Variants in ACAA2 observed in about 807,000 individuals in gnomAD.
ACAA2 encodes acetyl-CoA acyltransferase 2.
Under a neutral mutation model 44.8 loss-of-function variants are expected in ACAA2, and 35 were observed. The observed-to-expected ratio is 0.78, with a 90% CI of 0.60 to 1.04. ACAA2 has a LOEUF of 1.04. Ranked by LOEUF, ACAA2 falls within the 50% of genes least tolerant of loss-of-function variation. The pLI, the probability that ACAA2 is intolerant of heterozygous loss-of-function variation, is 0.00. For missense variants in ACAA2, 468 were observed against 482.6 expected (o/e 0.97, Z 0.28); for synonymous variants, 142 against 166.5 (o/e 0.85, Z 1.13).
intron 4 of ACAA2, 68 bp downstream of exon 4, chr18:49,795,697 G>T (rs1427700073): frequency 2.2e-6 from 2 of 892,516 alleles, no homozygotes; most frequent in Non-Finnish European, 3.3e-6. Context: ...CCATAAAAAG[G>T]TATGTTATTA....
At chr18:49,804,951 G>A (rs186449603) in intron 1 of ACAA2, among the ~76,000 whole-genome samples, 2 of 152,298 alleles carry the variant, frequency 1.3e-5, no homozygotes, top group Admixed American at 1.3e-4. Context: ...TTCATTAGGT[G>A]TCTACTAAAT....
intron 2 of ACAA2, 127 bp downstream of exon 2, chr18:49,802,560 C>CAAAAAAAA: frequency 3.4e-6 from 2 of 592,566 alleles, no homozygotes; most frequent in African/African-American, 2.5e-5. Flanking sequence ...GACTCCATCT[C>CAAAAAAAA]AAAAAAAAAA....
chr18:49,802,693 GACATTGCCCATAATC>G lies in ACAA2; in HGVS notation c.162_176del (p.Ile55_Val59del), dbSNP rs1414919612. Reference sequence around the variant, plus strand: ...CTTCCTTTACTCTACTAACCTGCAGGACATTGCCCATAATCACACTGTCAACTGTTTCAGGTGAGA... The same window carrying G: ...CTTCCTTTACTCTACTAACCTGCAGGACACTGTCAACTGTTTCAGGTGAGA... On this transcript the variant is annotated inframe_deletion, in exon 2 of 10. Coordinates refer to ENST00000285093, the MANE Select transcript of ACAA2 (RefSeq NM_006111.3). The G allele has an allele frequency of 6.2e-7, 1 of 1,613,622 alleles. No homozygotes were observed. Among genetic ancestry groups the G allele is most frequent in the Non-Finnish European group, 8.5e-7 (1 of 1,179,902 alleles).
At chr18:49,813,383 C>T (rs1296418770) in intron 1 of ACAA2, 86 bp downstream of exon 1, 1 of 1,094,502 alleles carries the variant, frequency 9.1e-7, no homozygotes, top group Non-Finnish European at 1.2e-6. Context: ...ACGACCCCGA[C>T]TCTCCGCGGC....
intron 7 of ACAA2, among the ~76,000 whole-genome samples, chr18:49,790,832 C>T (rs1426484559): frequency 1.3e-5 from 2 of 152,148 alleles, no homozygotes; most frequent in Non-Finnish European, 2.9e-5. Flanking sequence ...CTTTATTTTG[C>T]TAATACTCAC....
At position 49,802,863 on chromosome 18, in the gene ACAA2, C is replaced by T; in HGVS notation, c.17-10G>A. On this transcript the variant is annotated splice_polypyrimidine_tract_variant and intron_variant, in intron 1 of 9. Transcript: ENST00000285093. ...GCAACTACAAACACACCTATTGCAA[C>T]AAGAAGAGATTTGTAAGCCATCACA... 1 of 1,613,802 alleles carries T rather than the reference C, an allele frequency of 6.2e-7. No individual in the cohort carries two copies. The highest frequency in any genetic ancestry group is 8.5e-7 in the Non-Finnish European group (1 of 1,179,852).
chr18:49,812,306 CAA>C (rs1568592899), intron 1 of ACAA2, among the ~76,000 whole-genome samples: 1 of 152,212 alleles, frequency 6.6e-6, no homozygotes. Flanking sequence ...TCACAGGCAC[CAA>C]AAAGTTTTCT....
chr18:49,795,996 TAC>T (rs778731993), intron 3 of ACAA2, 115 bp from the exon 4 acceptor site: 178 of 638,716 alleles, frequency 2.8e-4, no homozygotes, highest in Non-Finnish European at 4.2e-4. Flanking sequence ...TACTGTAGCT[TAC>T]AGTGTCTCAA....
rs1425858102 is a variant in ACAA2 at position 49,783,009 on chromosome 18, T to G, written c.*838A>C. The G allele has an allele frequency of 6.6e-6, 1 of 151,834 alleles. No homozygotes were observed. Among genetic ancestry groups the G allele is most frequent in the Admixed American group, 6.6e-5 (1 of 15,242 alleles). The allele number at this position is 151,834 out of a possible 1,614,324, so 9.4% of individuals were successfully genotyped here. The stretch of plus-strand genomic sequence containing the variant: ...ACAGACAAATAAAGCAATGGAAGTG[T>G]TGTGGGGGCATTTTAAAGGGAGAAA... On this transcript the variant is annotated 3_prime_UTR_variant, in exon 10 of 10. Coordinates refer to ENST00000285093, the MANE Select transcript of ACAA2 (RefSeq NM_006111.3).
chr18:49,804,485 G>C (rs978236449), intron 1 of ACAA2, among the ~76,000 whole-genome samples: 1 of 152,156 alleles, frequency 6.6e-6, no homozygotes, highest in African/African-American at 2.4e-5. Flanking sequence ...CAGCTAACCT[G>C]TAAGTCCCCA....
intron 8 of ACAA2, 136 bp from the exon 9 acceptor site, chr18:49,785,487 A>ACAAT (rs1568584050): frequency 6.2e-6 from 5 of 806,376 alleles, no homozygotes; most frequent in Non-Finnish European, 7.9e-6. Flanking sequence ...TATTTTATCT[A>ACAAT]CAATCATTCT....
chr18:49,800,691 G>C (rs2023536794), intron 2 of ACAA2, among the ~76,000 whole-genome samples: 1 of 152,108 alleles, frequency 6.6e-6, no homozygotes, highest in Admixed American at 6.5e-5. Flanking sequence ...ACAGATGCTT[G>C]AAAGGCAGCA....
At position 49,782,201 on chromosome 18, in the gene ACAA2, C is replaced by T. The variant is rs562540605; in HGVS notation, c.*1646G>A. The T allele has an allele frequency of 9.2e-5, 14 of 152,256 alleles. No individual in the cohort carries two copies. In the East Asian group the frequency reaches 1.5e-3, roughly 17 times the overall value. 9.4% of individuals were successfully genotyped at this position (152,256 alleles called of 1,614,324 possible). A position where few individuals can be genotyped will look rare whatever the true frequency, so the allele number is the denominator to read the frequency against. The stretch of plus-strand genomic sequence containing the variant: ...CATTGTTTTATTATGAGAAATTATA[C>T]AGGGCTCTTACTTTTTAATATTTTT... On this transcript the variant is annotated 3_prime_UTR_variant, in exon 10 of 10. Transcript: ENST00000285093.
intron 3 of ACAA2, 101 bp downstream of exon 3, chr18:49,797,365 A>C: frequency 8.7e-7 from 1 of 1,143,076 alleles, no homozygotes; most frequent in Non-Finnish European, 1.2e-6. Flanking sequence ...TCCAGGGCTC[A>C]AGCAATCCTC....
chr18:49,802,517 G>A (rs910200631), intron 2 of ACAA2, among the ~76,000 whole-genome samples, 170 bp downstream of exon 2: 1 of 138,542 alleles, frequency 7.2e-6, no homozygotes, highest in East Asian at 2.1e-4. Flanking sequence ...AGCCAAGATC[G>A]CACCACCATA....
chr18:49,808,581 C>A (rs936497035), intron 1 of ACAA2, among the ~76,000 whole-genome samples: 1 of 152,074 alleles, frequency 6.6e-6, no homozygotes, highest in Non-Finnish European at 1.5e-5. Context: ...CATCACATAT[C>A]GGTAGGTCCA....
At chr18:49,810,115 T>C (rs187242705) in intron 1 of ACAA2, among the ~76,000 whole-genome samples, 24 of 152,228 alleles carry the variant, frequency 1.6e-4, no homozygotes, top group African/African-American at 4.6e-4. Context: ...GTTACAGTCA[T>C]AGGAGAGGAC....
intron 2 of ACAA2, among the ~76,000 whole-genome samples, chr18:49,799,100 A>G (rs1017166462): frequency 6.6e-6 from 1 of 152,224 alleles, no homozygotes; most frequent in African/African-American, 2.4e-5. Flanking sequence ...AGTCAACAGA[A>G]AAAGTATTTG....
intron 1 of ACAA2, among the ~76,000 whole-genome samples, chr18:49,806,148 T>C (rs1341767054): frequency 7.2e-5 from 11 of 152,162 alleles, no homozygotes; most frequent in Admixed American, 6.5e-4. Context: ...AATTTATTTA[T>C]AGCAACTAAC....
Sources: gnomAD v4.1 joint callset for allele counts (sites outside exome capture counted in the v4.1 genomes callset) on GRCh38, gnomAD v4.1.1 for gene constraint, MANE v1.5 for transcripts, NCBI Gene and HGNC (gene_info 2026-07-23, HGNC 2026-07-21) for gene names.